RXRG: variants seen among roughly 807,000 people sequenced by gnomAD.
The protein encoded by RXRG is retinoid X receptor gamma, also known as retinoic acid receptor RXR-gamma.
RXRG carries 19 observed loss-of-function variants against 49.2 expected under a neutral mutation model. The ratio of observed to expected loss-of-function variants is 0.39; its 90% CI spans 0.27 to 0.57. The LOEUF (loss-of-function observed/expected upper bound fraction) is 0.57. Ranked by LOEUF, RXRG falls within the 20% of genes least tolerant of loss-of-function variation. The pLI is 0.64. For synonymous variants in RXRG, 224 were observed against 216.6 expected, an observed-to-expected ratio of 1.03 and a Z score of -0.30; for missense variants, 452 against 592.5, an observed-to-expected ratio of 0.76 and a Z score of 2.46.
chr1:165,443,386 C>A (rs1048181664), intron 1 of RXRG, among the ~76,000 whole-genome samples: 4 of 152,110 alleles, frequency 2.6e-5, no homozygotes, highest in Non-Finnish European at 5.9e-5. Context: ...ATTGAGGAGG[C>A]TTTTCACATC....
intron 1 of RXRG, among the ~76,000 whole-genome samples, chr1:165,429,384 A>G (rs1370169214): frequency 6.6e-6 from 1 of 152,154 alleles, no homozygotes. Context: ...TAATTCCCTG[A>G]CTAGAACTCA....
In RXRG at chr1:165,401,375, C is replaced by T. The variant is rs901274500; in HGVS notation, c.1280G>A (p.Arg427His). The T allele has an allele frequency of 3.1e-6, 5 of 1,614,038 alleles. No individual in the cohort carries two copies. Among genetic ancestry groups the T allele is most frequent in the African/African-American group, 1.3e-5 (1 of 74,932 alleles). The change falls in exon 10 of 10, where the codon CGT becomes CAT. Residue 427 changes from arginine to histidine, a missense_variant. By Grantham distance (29) the Arg-to-His change is conservative. This residue lies in a region of RXRG where 286 missense variants were observed against 440.9 expected (regional missense o/e 0.65). Coordinates refer to ENST00000359842, the MANE Select transcript of RXRG (RefSeq NM_006917.5). ...CTCCAGGCATTTCAAGCCAATGGAACGCAGAGCTGGGAGGCGCAGCAGCAG... is the reference window on the plus strand; with the variant it reads ...CTCCAGGCATTTCAAGCCAATGGAATGCAGAGCTGGGAGGCGCAGCAGCAG... The part of the protein sequence containing the change: ...AKLLLRLPAL[R>H]SIGLKCLEHL...
intron 9 of RXRG, among the ~76,000 whole-genome samples, chr1:165,404,664 G>A (rs557859943): frequency 8.5e-5 from 13 of 152,056 alleles, no homozygotes; most frequent in Non-Finnish European, 1.6e-4. Context: ...ATAGTTACAC[G>A]AGGATACACA....
chr1:165,442,116 T>C (rs570160100), intron 1 of RXRG, among the ~76,000 whole-genome samples: 12 of 152,256 alleles, frequency 7.9e-5, no homozygotes, highest in Non-Finnish European at 1.8e-4. Context: ...CAGGGGGTTA[T>C]ACACCAAGTA....
intron 9 of RXRG, among the ~76,000 whole-genome samples, chr1:165,405,563 C>T (rs1409314228): frequency 6.6e-6 from 1 of 152,216 alleles, no homozygotes; most frequent in Non-Finnish European, 1.5e-5. Context: ...AGCCTCTCTG[C>T]CCCTCCACCT....
At chr1:165,444,822 T>C in intron 1 of RXRG, 23 bp downstream of exon 1, 1 of 1,610,582 alleles carries the variant, frequency 6.2e-7, no homozygotes, top group Non-Finnish European at 8.5e-7. Flanking sequence ...GTCCACGCAG[T>C]GAAGCCCAAG....
At chr1:165,404,598 C>T (rs932671926) in intron 9 of RXRG, among the ~76,000 whole-genome samples, 1 of 152,080 alleles carries the variant, frequency 6.6e-6, no homozygotes, top group Non-Finnish European at 1.5e-5. Context: ...GAAAATAATA[C>T]ACCAAACTGT....
intron 1 of RXRG, among the ~76,000 whole-genome samples, chr1:165,438,184 T>C (rs545914900): frequency 6.6e-6 from 1 of 152,142 alleles, no homozygotes; most frequent in Non-Finnish European, 1.5e-5. Flanking sequence ...AAAGTGAAAA[T>C]ACAGGTTGAG....
In RXRG at chr1:165,401,215, C is replaced by G. The variant is rs778803819; in HGVS notation, c.*48G>C. 1 of 1,600,528 alleles carries G rather than the reference C, an allele frequency of 6.2e-7. No individual in the cohort carries two copies. Among genetic ancestry groups the G allele is most frequent in the Non-Finnish European group, 8.5e-7 (1 of 1,170,552 alleles). ...AAAGTGCAGGGTGGGGGTCCACACA[C>G]ACCTGCCCAGGGGTCATCCTGGGTG... On this transcript the variant is annotated 3_prime_UTR_variant, in exon 10 of 10. Coordinates refer to ENST00000359842, the MANE Select transcript of RXRG (RefSeq NM_006917.5).
intron 2 of RXRG, among the ~76,000 whole-genome samples, chr1:165,423,239 T>A (rs1658379529): frequency 1.3e-5 from 2 of 152,140 alleles, no homozygotes; most frequent in Non-Finnish European, 2.9e-5. Context: ...AGTCCCCCAA[T>A]CCCGGCTGTC....
intron 9 of RXRG, among the ~76,000 whole-genome samples, chr1:165,403,910 C>T (rs891837525): frequency 6.6e-6 from 1 of 152,204 alleles, no homozygotes; most frequent in South Asian, 2.1e-4. Flanking sequence ...GCATTCCTCA[C>T]CCACAGGTTA....
intron 1 of RXRG, among the ~76,000 whole-genome samples, chr1:165,434,271 C>CGTGTGTGTGTGTGTGTGT (rs1491363219): frequency 3.3e-5 from 4 of 120,716 alleles, no homozygotes; most frequent in Admixed American, 3.2e-4. Context: ...CAATGAATTG[C>CGTGTGTGTGTGTGTGTGT]ATGTGTGTAT....
At chr1:165,441,392 C>G (rs1269112602) in intron 1 of RXRG, among the ~76,000 whole-genome samples, 4 of 152,210 alleles carry the variant, frequency 2.6e-5, no homozygotes, top group African/African-American at 9.6e-5. Flanking sequence ...AACTGTGTCA[C>G]TCACAGAAGC....
chr1:165,402,731 T>C (rs913149702), intron 9 of RXRG, among the ~76,000 whole-genome samples: 1 of 151,140 alleles, frequency 6.6e-6, no homozygotes, highest in African/African-American at 2.4e-5. Flanking sequence ...CACACACACC[T>C]TCACACACAC....
At chr1:165,421,752 G>T (rs1010723368) in intron 2 of RXRG, among the ~76,000 whole-genome samples, 1 of 151,904 alleles carries the variant, frequency 6.6e-6, no homozygotes, top group Non-Finnish European at 1.5e-5. Context: ...GACTGGTCTC[G>T]AACTCCTGAC....
chr1:165,425,032 A>G, intron 2 of RXRG: 1 of 902,970 alleles, frequency 1.1e-6, no homozygotes, highest in Non-Finnish European at 1.3e-6. Context: ...CCAAAGCCAA[A>G]CTTGGCCTTG....
At chr1:165,410,508 T>C (rs1657909035) in intron 6 of RXRG, among the ~76,000 whole-genome samples, 194 bp downstream of exon 6, 1 of 152,176 alleles carries the variant, frequency 6.6e-6, no homozygotes, top group African/African-American at 2.4e-5. Context: ...CGTGGTAAAA[T>C]TTGCATGGGA....
intron 1 of RXRG, among the ~76,000 whole-genome samples, chr1:165,438,325 A>G (rs1216703113): frequency 6.6e-6 from 1 of 151,834 alleles, no homozygotes; most frequent in East Asian, 1.9e-4. Context: ...TAGATGCTCA[A>G]TTGGTAAGTA....
chr1:165,421,418 T>C (rs1163778032), intron 2 of RXRG, among the ~76,000 whole-genome samples: 1 of 152,146 alleles, frequency 6.6e-6, no homozygotes, highest in Non-Finnish European at 1.5e-5. Context: ...TTTGTTTTCA[T>C]GTAGTACACT....
Sources: allele counts gnomAD v4.1 joint callset (sites outside exome capture counted in the v4.1 genomes callset), GRCh38; gene constraint gnomAD v4.1.1; regional missense constraint gnomAD v4.1.1; transcripts MANE v1.5; gene names NCBI Gene and HGNC (gene_info 2026-07-23, HGNC 2026-07-21).